MFN1: variants seen among roughly 807,000 people sequenced by gnomAD.
The protein encoded by MFN1 is mitofusin 1.
Under a neutral mutation model 92.4 loss-of-function variants are expected in MFN1, and 65 were observed. The ratio of observed to expected loss-of-function variants is 0.70; its 90% confidence interval spans 0.58 to 0.86. The LOEUF (loss-of-function observed/expected upper bound fraction) is 0.86, where lower values mean the gene tolerates loss of function less well. MFN1 is among the 40% of genes least tolerant of loss of function. MFN1 has a pLI of 0.00. For synonymous variants in MFN1, 297 were observed against 300.9 expected (o/e 0.99, Z 0.13); for missense variants, 781 against 868.0 (o/e 0.90, Z 1.26).
chr3:179,372,530 T>C (rs1371477247), intron 9 of MFN1, among the ~76,000 whole-genome samples: 1 of 152,198 alleles, frequency 6.6e-6, no homozygotes, highest in Non-Finnish European at 1.5e-5. Context: ...TTCCCATACT[T>C]ATTTGGAGTA....
At chr3:179,348,062 G>A (rs1035081157) in intron 1 of MFN1, 4 of 152,024 alleles carry the variant, frequency 2.6e-5, no homozygotes, top group Admixed American at 2.6e-4. Flanking sequence ...CGCGGGGCGG[G>A]GGTGGGCTCT....
intron 7 of MFN1, among the ~76,000 whole-genome samples, chr3:179,366,924 C>T (rs1403061624): frequency 6.6e-6 from 1 of 152,014 alleles, no homozygotes; most frequent in Non-Finnish European, 1.5e-5. Flanking sequence ...ACCTTAACTC[C>T]CCAACCTTAA....
intron 3 of MFN1, among the ~76,000 whole-genome samples, chr3:179,355,750 G>A (rs931185787): frequency 1.3e-5 from 2 of 152,020 alleles, no homozygotes; most frequent in Admixed American, 6.6e-5. Context: ...TCAGGAGTTT[G>A]AGACCAGGCT....
chr3:179,368,165 A>G (rs1226816684), intron 9 of MFN1, 62 bp downstream of exon 9: 27 of 1,287,304 alleles, frequency 2.1e-5, no homozygotes, highest in Admixed American at 6.8e-5. Flanking sequence ...AGAAAGCATA[A>G]TCTTCTATTT....
intron 14 of MFN1, among the ~76,000 whole-genome samples, chr3:179,383,923 A>G (rs928046423): frequency 1.7e-4 from 26 of 152,080 alleles, no homozygotes; most frequent in Admixed American, 9.2e-4. Context: ...TAAAACCATC[A>G]CCACAATTTA....
Position 179,368,003 on chromosome 3 carries a change from C to G in MFN1, c.908-33C>G, listed in dbSNP as rs7356002. The stretch of plus-strand genomic sequence containing the variant: ...ACCAGAAAACATATCTTGCTACATA[C>G]TAGGTTTTTAAATCTTTGCCTGTAC... On this transcript the variant is annotated intron_variant, in intron 8 of 17. Coordinates refer to ENST00000471841, the MANE Select transcript of MFN1 (RefSeq NM_033540.3). 12 of 1,427,166 alleles carry G rather than the reference C, an allele frequency of 8.4e-6. 1 individual carries two copies. The South Asian group carries it at 1.9e-4, about 22-fold the overall frequency. 88.4% of individuals were successfully genotyped at this position (1,427,166 alleles called of 1,614,324 possible).
intron 14 of MFN1, among the ~76,000 whole-genome samples, chr3:179,382,951 G>T (rs1713530189): frequency 6.6e-6 from 1 of 152,090 alleles, no homozygotes. Flanking sequence ...TGAGTTCTCT[G>T]TAGATTCTCG....
intron 16 of MFN1, among the ~76,000 whole-genome samples, chr3:179,389,140 G>A (rs984407556): frequency 9.2e-5 from 14 of 151,996 alleles, no homozygotes; most frequent in African/African-American, 3.4e-4. Flanking sequence ...TGAGGAATTT[G>A]TTCATTTATT....
intron 12 of MFN1, 53 bp downstream of exon 12, chr3:179,377,501 A>AC (rs1010018079): frequency 1.8e-6 from 2 of 1,087,276 alleles, no homozygotes; most frequent in Non-Finnish European, 2.7e-6. Context: ...ATTATTCTAT[A>AC]CCCTCATTTA....
At position 179,347,798 on chromosome 3, in the gene MFN1, TG is replaced by T. The variant is rs1242087813; in HGVS notation, c.-18del. On this transcript the variant is annotated 5_prime_UTR_variant, in exon 1 of 18. Transcript: ENST00000471841. ...CGAGTTGCTGTTGCCGGGTGATAGT[TG>T]GAGCGGAGACTGTGAGTGCCGGCTG... is the stretch of plus-strand genomic sequence containing the variant. 1 of 152,306 alleles carries T rather than the reference TG, an allele frequency of 6.6e-6. No individual in the cohort carries two copies. The highest frequency in any genetic ancestry group is 2.4e-5 in the African/African-American group (1 of 41,464). The allele number at this position is 152,306 out of a possible 1,614,324, so 9.4% of individuals were successfully genotyped here.
chr3:179,390,867 C>T (rs960756455), intron 17 of MFN1, among the ~76,000 whole-genome samples: 2 of 152,206 alleles, frequency 1.3e-5, no homozygotes, highest in Non-Finnish European at 2.9e-5. Flanking sequence ...ATTGGAGGGA[C>T]TGTCTTTGTG....
At chr3:179,376,868 T>G in intron 10 of MFN1, 174 bp from the exon 11 acceptor site, 1 of 499,824 alleles carries the variant, frequency 2.0e-6, no homozygotes, top group East Asian at 3.7e-5. Flanking sequence ...TATCAAATCA[T>G]CTATATAAAA....
At chr3:179,349,157 A>T (rs1712039108) in intron 2 of MFN1, among the ~76,000 whole-genome samples, 194 bp downstream of exon 2, 1 of 152,258 alleles carries the variant, frequency 6.6e-6, no homozygotes, top group Admixed American at 6.5e-5. Flanking sequence ...TAAGAACTTT[A>T]GTATATTAAT....
chr3:179,351,010 G>C (rs1712125104), intron 2 of MFN1, among the ~76,000 whole-genome samples: 1 of 152,132 alleles, frequency 6.6e-6, no homozygotes, highest in Non-Finnish European at 1.5e-5. Context: ...TTACCATATT[G>C]TTCAGGCTGG....
chr3:179,371,872 T>C (rs1713033317), intron 9 of MFN1, among the ~76,000 whole-genome samples: 1 of 151,852 alleles, frequency 6.6e-6, no homozygotes, highest in African/African-American at 2.4e-5. Context: ...TTTTCTTTCT[T>C]AGAAGACAAG....
At chr3:179,349,093 T>C in intron 2 of MFN1, 130 bp downstream of exon 2, 1 of 612,890 alleles carries the variant, frequency 1.6e-6, no homozygotes, top group Non-Finnish European at 2.5e-6. Flanking sequence ...CCATAATGAA[T>C]AAAACCCCTT....
In MFN1 at chr3:179,365,177, C is replaced by T; in HGVS notation, c.705C>T (p.Leu235=). The T allele has an allele frequency of 6.4e-7, 1 of 1,551,694 alleles. No individual in the cohort carries two copies. The highest frequency in any genetic ancestry group is 1.4e-5 in the African/African-American group (1 of 70,544). Residue 235 remains leucine, a synonymous_variant, in exon 7 of 18, where the codon CTC becomes CTT. Transcript: ENST00000471841. Reference sequence around the variant, plus strand: ...TTTCCAAGCCTAATATTTTCATTCTCAATAATCGTTGGGATGCCTCTGCAT... The same window carrying T: ...TTTCCAAGCCTAATATTTTCATTCTTAATAATCGTTGGGATGCCTCTGCAT... ...ERLSKPNIFI[L]NNRWDASASE...
At position 179,378,689 on chromosome 3, in the gene MFN1, T is replaced by C. The variant is rs770713130; in HGVS notation, c.1537T>C (p.Cys513Arg). 3.1e-5 allele frequency: 50 copies of C among 1,613,634 alleles called. No individual in the cohort carries two copies. In the East Asian group the frequency reaches 7.4e-4, roughly 24 times the overall value. ...LSYNLNYHKL[C>R]SDFQEDIVFR... ...TTATAATCTAAATTACCACAAGTTA[T>C]GTTCAGATTTTCAAGAGGATATTGT... The change falls in exon 14 of 18, where the codon TGT becomes CGT. Residue 513 changes from cysteine (C) to arginine (R), a missense_variant. Transcript: ENST00000471841.
At chr3:179,367,965 A>G (rs1712868772) in intron 8 of MFN1, 71 bp from the exon 9 acceptor site, 17 of 858,294 alleles carry the variant, frequency 2.0e-5, no homozygotes, top group Non-Finnish European at 2.7e-5. Flanking sequence ...TAAAATTATA[A>G]AATCAGTAGC....
Sources: gnomAD v4.1 joint callset for allele counts (sites outside exome capture counted in the v4.1 genomes callset) on GRCh38, gnomAD v4.1.1 for gene constraint, MANE v1.5 for transcripts, NCBI Gene and HGNC (gene_info 2026-07-23, HGNC 2026-07-21) for gene names.